Variants in CDC14A observed in about 807,000 individuals in gnomAD.
The protein encoded by CDC14A is dual specificity protein phosphatase CDC14A.
Under a neutral mutation model 74.4 loss-of-function variants are expected in CDC14A, and 53 were observed. That is an observed-to-expected ratio of 0.71 (90% confidence interval 0.57 to 0.89). The LOEUF (loss-of-function observed/expected upper bound fraction) is 0.89. CDC14A is among the 40% of genes least tolerant of loss of function. CDC14A has a pLI of 0.00. For synonymous variants in CDC14A, 247 were observed against 258.4 expected, an observed-to-expected ratio of 0.96 and a Z score of 0.43; for missense variants, 646 against 713.7, an observed-to-expected ratio of 0.91 and a Z score of 1.08.
At chr1:100,506,408 T>C (rs1014483752) in intron 15 of CDC14A, among the ~76,000 whole-genome samples, 24 of 122,804 alleles carry the variant, frequency 2.0e-4, no homozygotes, top group African/African-American at 5.2e-4. Context: ...TCATTCAACA[T>C]TGCGATTTTT....
chr1:100,363,740 T>C (rs1653134476), intron 2 of CDC14A, among the ~76,000 whole-genome samples: 1 of 152,198 alleles, frequency 6.6e-6, no homozygotes, highest in Non-Finnish European at 1.5e-5. Context: ...TCTGGATATG[T>C]GGCATTTCAG....
chr1:100,377,728 T>A, intron 3 of CDC14A, 107 bp downstream of exon 3: 1 of 744,144 alleles, frequency 1.3e-6, no homozygotes, highest in Middle Eastern at 2.4e-4. Context: ...GATCTTGATC[T>A]CTGGAAATTT....
At chr1:100,365,258 C>G (rs1283816664) in intron 2 of CDC14A, among the ~76,000 whole-genome samples, 1 of 152,154 alleles carries the variant, frequency 6.6e-6, no homozygotes, top group Non-Finnish European at 1.5e-5. Flanking sequence ...CTTTTCCTTC[C>G]TCAAAGAGGA....
At chr1:100,365,464 A>G (rs973838772) in intron 2 of CDC14A, among the ~76,000 whole-genome samples, 1 of 152,244 alleles carries the variant, frequency 6.6e-6, no homozygotes, top group Non-Finnish European at 1.5e-5. Context: ...ATGATATTAC[A>G]TAAGAGCTGG....
chr1:100,448,222 C>G (rs565483848), intron 7 of CDC14A, among the ~76,000 whole-genome samples: 5 of 152,292 alleles, frequency 3.3e-5, no homozygotes, highest in African/African-American at 1.2e-4. Flanking sequence ...AAAATGACTT[C>G]AAAACTGAGA....
chr1:100,353,906 G>A lies in CDC14A; in HGVS notation c.140+54G>A, dbSNP rs1291455552. 5 of 980,422 alleles carry A rather than the reference G, an allele frequency of 5.1e-6. No homozygotes were observed. The Admixed American group carries it at 8.1e-5, about 16-fold the overall frequency. 60.7% of individuals were successfully genotyped at this position (980,422 alleles called of 1,614,324 possible). ...TTGGCCATTCAGCTTGTTCTTTGAC[G>A]AGGAAACACTATGCACTTTTATGGC... is the stretch of plus-strand genomic sequence containing the variant. On this transcript the variant is annotated intron_variant, in intron 2 of 15. Transcript: ENST00000336454.
intron 2 of CDC14A, among the ~76,000 whole-genome samples, chr1:100,367,429 A>G (rs1196844083): frequency 6.6e-5 from 10 of 152,192 alleles, no homozygotes; most frequent in Non-Finnish European, 1.5e-4. Context: ...ACAGTATTTC[A>G]TTATACCAAA....
chr1:100,389,905 A>G (rs2100985367), intron 3 of CDC14A, among the ~76,000 whole-genome samples: 1 of 152,342 alleles, frequency 6.6e-6, no homozygotes, highest in East Asian at 1.9e-4. Context: ...AAAGTGAGGA[A>G]ATCAAGCAGA....
At chr1:100,482,085 G>C (rs1405768608) in intron 10 of CDC14A, among the ~76,000 whole-genome samples, 2 of 152,164 alleles carry the variant, frequency 1.3e-5, no homozygotes, top group Non-Finnish European at 2.9e-5. Flanking sequence ...TTCCAGAGAT[G>C]GGACAGATTG....
At chr1:100,353,495 G>T (rs1651427803) in intron 1 of CDC14A, among the ~76,000 whole-genome samples, 1 of 152,204 alleles carries the variant, frequency 6.6e-6, no homozygotes, top group African/African-American at 2.4e-5. Flanking sequence ...AGTTCTGCGG[G>T]TACCCCCAGC....
chr1:100,467,078 C>A (rs1227772301), intron 9 of CDC14A, among the ~76,000 whole-genome samples: 2 of 150,924 alleles, frequency 1.3e-5, no homozygotes, highest in South Asian at 2.1e-4. Context: ...CTGGAAGGAA[C>A]AATAATGTAA....
At chr1:100,517,710 A>G (rs1650348900) in intron 15 of CDC14A, among the ~76,000 whole-genome samples, 1 of 152,196 alleles carries the variant, frequency 6.6e-6, no homozygotes, top group Admixed American at 6.5e-5. Flanking sequence ...TTAAGATCAG[A>G]TTTCAAGCTG....
chr1:100,396,694 G>A (rs773807999), intron 4 of CDC14A, among the ~76,000 whole-genome samples: 9 of 152,020 alleles, frequency 5.9e-5, no homozygotes, highest in Non-Finnish European at 1.3e-4. Context: ...TAAAATATAC[G>A]TAACATGAAA....
intron 4 of CDC14A, among the ~76,000 whole-genome samples, chr1:100,400,869 TTTTTTTTC>T (rs1659166668): frequency 6.6e-6 from 1 of 152,116 alleles, no homozygotes; most frequent in African/African-American, 2.4e-5. Flanking sequence ...TCTTTTCAGT[TTTTTTTTC>T]TTTTTTTCTT....
chr1:100,384,948 G>A lies in CDC14A; in HGVS notation c.217-5784G>A, dbSNP rs371934735. 6.1e-4 allele frequency among the ~76,000 whole-genome samples: 93 copies of A among 152,190 alleles called. 3 individuals carry two copies. The South Asian group carries it at 0.018, about 30-fold the overall frequency. Reference sequence around the variant, plus strand: ...GAGAACATCTGAATTTGGAACTTCTGGAATAATGACATTTAAGGCAGCTTA... The same window carrying A: ...GAGAACATCTGAATTTGGAACTTCTAGAATAATGACATTTAAGGCAGCTTA... On this transcript the variant is annotated intron_variant, in intron 3 of 15. Transcript: ENST00000336454.
chr1:100,370,110 A>C (rs2100923747), intron 2 of CDC14A, among the ~76,000 whole-genome samples: 1 of 152,152 alleles, frequency 6.6e-6, no homozygotes, highest in African/African-American at 2.4e-5. Context: ...CAGCCTCCCA[A>C]GTACCTGGGA....
intron 9 of CDC14A, among the ~76,000 whole-genome samples, chr1:100,465,148 C>T (rs1309989798): frequency 6.6e-6 from 1 of 151,888 alleles, no homozygotes; most frequent in Non-Finnish European, 1.5e-5. Flanking sequence ...GTCTTGAACT[C>T]CTAACCTCAG....
At chr1:100,486,217 G>A (rs1670003831) in intron 11 of CDC14A, among the ~76,000 whole-genome samples, 1 of 152,122 alleles carries the variant, frequency 6.6e-6, no homozygotes, top group Non-Finnish European at 1.5e-5. Context: ...TTACCTTGCA[G>A]GAACATAGTA....
chr1:100,503,170 T>C (rs2101458314), intron 15 of CDC14A, among the ~76,000 whole-genome samples: 1 of 152,310 alleles, frequency 6.6e-6, no homozygotes, highest in African/African-American at 2.4e-5. Context: ...AGATAGGAGA[T>C]TATGAGTTAT....
Sources: gnomAD v4.1 joint callset for allele counts (sites outside exome capture counted in the v4.1 genomes callset) on GRCh38, gnomAD v4.1.1 for gene constraint, MANE v1.5 for transcripts, NCBI Gene and HGNC (gene_info 2026-07-23, HGNC 2026-07-21) for gene names.